Variants in TPCN2 observed in about 807,000 individuals in gnomAD.
TPCN2 encodes two pore channel protein 2.
A neutral mutation model predicts 111.4 loss-of-function variants in TPCN2; 92 were observed. The ratio of observed to expected loss-of-function variants is 0.83; its 90% confidence interval spans 0.70 to 0.98. TPCN2 has a LOEUF of 0.98. Ranked by LOEUF, TPCN2 falls within the 50% of genes least tolerant of loss-of-function variation. The pLI is 0.00. For missense variants in TPCN2, 995 were observed against 980.1 expected, an observed-to-expected ratio of 1.02 and a Z score of -0.20; for synonymous variants, 405 against 414.5, an observed-to-expected ratio of 0.98 and a Z score of 0.28.
At chr11:69,059,111 C>G (rs939325239) in intron 5 of TPCN2, among the ~76,000 whole-genome samples, 1 of 152,252 alleles carries the variant, frequency 6.6e-6, no homozygotes, top group Non-Finnish European at 1.5e-5. Context: ...GGGTTTTTCA[C>G]CTGGCACAGG....
At chr11:69,057,990 T>C (rs1410737889) in intron 5 of TPCN2, among the ~76,000 whole-genome samples, 2 of 152,216 alleles carry the variant, frequency 1.3e-5, no homozygotes, top group Non-Finnish European at 2.9e-5. Context: ...CTCCGCTCTC[T>C]AGCTGAAGGC....
chr11:69,071,594 C>T (rs1855537443), intron 10 of TPCN2, among the ~76,000 whole-genome samples, 174 bp downstream of exon 10: 1 of 152,222 alleles, frequency 6.6e-6, no homozygotes, highest in Admixed American at 6.5e-5. Flanking sequence ...GTTGCTCTAG[C>T]CACTGCCAGA....
intron 13 of TPCN2, 39 bp downstream of exon 13, chr11:69,073,040 G>C (rs1230458804): frequency 4.0e-6 from 6 of 1,486,960 alleles, no homozygotes; most frequent in Non-Finnish European, 4.7e-6. Context: ...GATAGTGGGG[G>C]CCTTCCAGTT....
chr11:69,077,094 T>C (rs1294573128), intron 13 of TPCN2, among the ~76,000 whole-genome samples: 174 of 74,144 alleles, frequency 2.3e-3, no homozygotes, highest in Admixed American at 4.3e-3. Flanking sequence ...CCTCCTGCCA[T>C]GTCCCTCCAC....
In TPCN2 at chr11:69,088,828, T is replaced by C. The variant is rs1856368379; in HGVS notation, c.*875T>C. 1 of 152,138 alleles carries C rather than the reference T, an allele frequency of 6.6e-6. No individual in the cohort carries two copies. The highest frequency in any genetic ancestry group is 1.5e-5 in the Non-Finnish European group (1 of 68,044). The allele number at this position is 152,138 out of a possible 1,614,324, so 9.4% of individuals were successfully genotyped here. A position where few individuals can be genotyped will look rare whatever the true frequency, so the allele number is the denominator to read the frequency against. On this transcript the variant is annotated 3_prime_UTR_variant, in exon 25 of 25. Transcript: ENST00000294309. ...CCAGATTGACCAATGGTTTTCTCAC[T>C]TCAGGGGCCAACCCACGCCCCCTTT...
In TPCN2 at chr11:69,088,877, A is replaced by T. The variant is rs1041650387; in HGVS notation, c.*924A>T. The T allele has an allele frequency of 6.6e-6, 1 of 152,064 alleles. No homozygotes were observed. 9.4% of individuals were successfully genotyped at this position (152,064 alleles called of 1,614,324 possible). ...TTCTGCTGAGGTTTGGGTGCCATCT[A>T]GTGGTGGGATGGGACTTGGTTGACT... is the stretch of plus-strand genomic sequence containing the variant. On this transcript the variant is annotated 3_prime_UTR_variant, in exon 25 of 25. Coordinates refer to ENST00000294309, the MANE Select transcript of TPCN2 (RefSeq NM_139075.4).
intron 4 of TPCN2, 44 bp downstream of exon 4, chr11:69,055,396 A>G (rs1590705234): frequency 3.3e-6 from 5 of 1,532,924 alleles, no homozygotes; most frequent in Non-Finnish European, 1.7e-6. Flanking sequence ...CCGGCCTCCC[A>G]GCGCCTGGCC....
chr11:69,079,751 A>G, intron 16 of TPCN2, 83 bp from the exon 17 acceptor site: 1 of 1,312,926 alleles, frequency 7.6e-7, no homozygotes, highest in East Asian at 2.3e-5. Context: ...AATGTGTTAG[A>G]GATGAGCTTT....
intron 7 of TPCN2, among the ~76,000 whole-genome samples, chr11:69,065,661 T>A (rs1855242613): frequency 6.6e-6 from 1 of 152,216 alleles, no homozygotes; most frequent in East Asian, 1.9e-4. Flanking sequence ...CGCCTTGCTT[T>A]AGCTACCTTT....
At chr11:69,058,362 A>C (rs994116566) in intron 5 of TPCN2, among the ~76,000 whole-genome samples, 1 of 152,142 alleles carries the variant, frequency 6.6e-6, no homozygotes, top group African/African-American at 2.4e-5. Flanking sequence ...AGTCCCACTC[A>C]TGGGCAGGGG....
chr11:69,084,274 C>T (rs1010119913), intron 19 of TPCN2, among the ~76,000 whole-genome samples: 2 of 152,166 alleles, frequency 1.3e-5, no homozygotes, highest in Admixed American at 6.5e-5. Context: ...ATGGCAGAGA[C>T]TGTTTGGTAA....
chr11:69,087,239 C>T lies in TPCN2; in HGVS notation c.2180+33C>T, dbSNP rs371343687. On this transcript the variant is annotated intron_variant, in intron 24 of 24. Transcript: ENST00000294309. The stretch of plus-strand genomic sequence containing the variant: ...GGTGGGGAAGGCGCTTCTGTCTGGC[C>T]CCCTGGGATGGGAAGCCAAGAGCTG... 26 of 1,600,496 alleles carry T rather than the reference C, an allele frequency of 1.6e-5. 1 individual carries two copies. The South Asian group carries it at 2.0e-4, about 12-fold the overall frequency.
At chr11:69,072,147 C>T (rs1035058632) in intron 11 of TPCN2, 124 bp downstream of exon 11, 19 of 766,976 alleles carry the variant, frequency 2.5e-5, no homozygotes, top group Middle Eastern at 3.7e-4. Context: ...GGCTGGCACC[C>T]GACTCATGGA....
At chr11:69,061,004 G>T (rs1854996048) in intron 5 of TPCN2, among the ~76,000 whole-genome samples, 1 of 152,202 alleles carries the variant, frequency 6.6e-6, no homozygotes, top group African/African-American at 2.4e-5. Flanking sequence ...AGTGAGCGCT[G>T]GGGATCAGTC....
intron 23 of TPCN2, 77 bp downstream of exon 23, chr11:69,086,681 G>A (rs1163113941): frequency 6.4e-6 from 9 of 1,404,682 alleles, no homozygotes; most frequent in Middle Eastern, 2.0e-4. Flanking sequence ...TGAGGCCACC[G>A]GCCGGGCCTG....
chr11:69,063,490 C>T (rs1462701193), intron 6 of TPCN2, among the ~76,000 whole-genome samples: 1 of 152,110 alleles, frequency 6.6e-6, no homozygotes, highest in Non-Finnish European at 1.5e-5. Flanking sequence ...CCTCGGCTCA[C>T]CCCTGGTCCC....
Position 69,072,920 on chromosome 11 carries a change from G to GCCAC in TPCN2, c.1150_1151insCACC (p.Arg384ProfsTer12). The GCCAC allele has an allele frequency of 1.2e-6, 2 of 1,612,402 alleles. No homozygotes were observed. Among genetic ancestry groups the GCCAC allele is most frequent in the Non-Finnish European group, 1.7e-6 (2 of 1,178,424 alleles). ...CTGTGCTCCTTCCTGTGCAGAAGGTGCGTTCCTATGGCAGTGTTCTGCTCT... is the reference window on the plus strand; with the variant it reads ...CTGTGCTCCTTCCTGTGCAGAAGGTGCCACCGTTCCTATGGCAGTGTTCTGCTCT... On this transcript the variant is annotated frameshift_variant, in exon 13 of 25. Coordinates refer to ENST00000294309, the MANE Select transcript of TPCN2 (RefSeq NM_139075.4). LOFTEE classifies it high-confidence loss of function.
chr11:69,087,491 A>G (rs1416718830), intron 24 of TPCN2, among the ~76,000 whole-genome samples: 9 of 152,152 alleles, frequency 5.9e-5, no homozygotes, highest in Non-Finnish European at 1.0e-4. Context: ...GTTGGATGTA[A>G]ACAAGGGACC....
Position 69,087,094 on chromosome 11 carries a change from ACTC to A in TPCN2, c.2086-12_2086-10del, listed in dbSNP as rs752626332. The A allele has an allele frequency of 1.1e-4, 176 of 1,610,436 alleles. 3 individuals are homozygous for A. The South Asian group carries it at 1.9e-3, about 17-fold the overall frequency. On this transcript the variant is annotated splice_polypyrimidine_tract_variant and intron_variant, in intron 23 of 24. Coordinates refer to ENST00000294309, the MANE Select transcript of TPCN2 (RefSeq NM_139075.4). ...CATTCGGGGCCCACACTCACTGGCC[ACTC>A]CTCCTGCTTGCCAGAACTTCCTTCA...
Sources: gnomAD v4.1 joint callset for allele counts (sites outside exome capture counted in the v4.1 genomes callset) on GRCh38, gnomAD v4.1.1 for gene constraint, MANE v1.5 for transcripts, NCBI Gene and HGNC (gene_info 2026-07-23, HGNC 2026-07-21) for gene names.